AGXT2: variants seen among roughly 807,000 people sequenced by gnomAD.
AGXT2 encodes alanine--glyoxylate aminotransferase 2, mitochondrial.
A neutral mutation model predicts 62.5 loss-of-function variants in AGXT2; 61 were observed. The ratio of observed to expected loss-of-function variants is 0.98; its 90% CI spans 0.79 to 1.21. The LOEUF is 1.21. Among genes scored for constraint, AGXT2 ranks in the 50% most tolerant of loss-of-function variants. The pLI is 0.00. For missense variants in AGXT2, 666 were observed against 641.5 expected, an observed-to-expected ratio of 1.04 and a Z score of -0.41; for synonymous variants, 243 against 218.7, an observed-to-expected ratio of 1.11 and a Z score of -0.98.
rs1766581858 is a variant in AGXT2, at chr5:35,010,273, A to G, written c.1189-124T>C. 4 of 1,221,546 alleles carry G rather than the reference A, an allele frequency of 3.3e-6. No individual in the cohort carries two copies. In the Admixed American group the frequency reaches 6.8e-5, roughly 21 times the overall value. The allele number at this position is 1,221,546 out of a possible 1,614,324, so 75.7% of individuals were successfully genotyped here. A position where few individuals can be genotyped will look rare whatever the true frequency, so the allele number is the denominator to read the frequency against. ...ACCAAACAGAATGCAGAACAAGTCT[A>G]GTGTGACCACAAGGACTACAAAAAG... is the stretch of plus-strand genomic sequence containing the variant. On this transcript the variant is annotated intron_variant, in intron 11 of 13. Coordinates refer to ENST00000231420, the MANE Select transcript of AGXT2 (RefSeq NM_031900.4).
At chr5:35,009,478 C>T (rs1182521679) in intron 12 of AGXT2, among the ~76,000 whole-genome samples, 2 of 152,060 alleles carry the variant, frequency 1.3e-5, no homozygotes, top group African/African-American at 4.8e-5. Context: ...TGCCTGTAAT[C>T]CCAGCTACCC....
rs1217004106 is a variant in AGXT2 at position 34,998,542 on chromosome 5, A to C, written c.*177T>G. The C allele has an allele frequency of 1.6e-6, 1 of 630,760 alleles. No individual in the cohort carries two copies. The highest frequency in any genetic ancestry group is 2.8e-6 in the Non-Finnish European group (1 of 356,268). The allele number at this position is 630,760 out of a possible 1,614,324, so 39.1% of individuals were successfully genotyped here. A position where few individuals can be genotyped will look rare whatever the true frequency, so the allele number is the denominator to read the frequency against. On this transcript the variant is annotated 3_prime_UTR_variant, in exon 14 of 14. Coordinates refer to ENST00000231420, the MANE Select transcript of AGXT2 (RefSeq NM_031900.4). ...TTCCCTGAAGAATGGAGTTCTCAAG[A>C]TAAGAGGGGCTCTGCTAACAAATAT... is the stretch of plus-strand genomic sequence containing the variant.
chr5:35,002,428 C>A (rs1766262082), intron 13 of AGXT2, among the ~76,000 whole-genome samples: 1 of 152,194 alleles, frequency 6.6e-6, no homozygotes, highest in Non-Finnish European at 1.5e-5. Context: ...AGAAATGCCT[C>A]ATTTCTGGAA....
chr5:35,036,951 C>T lies in AGXT2; in HGVS notation c.477G>A (p.Glu159=), dbSNP rs978925590. ...YAEKLAALLP[E]PLKVIFLVNS... ...AGGAAGAGCATTGTACCTTAAGAGG[C>T]TCAGGAAGAAGTGCGGCAAGCTTCT... is the stretch of plus-strand genomic sequence containing the variant. The change falls in exon 4 of 14, where the codon GAG becomes GAA. Residue 159 remains glutamate, a synonymous_variant. Transcript: ENST00000231420. The T allele has an allele frequency of 5.6e-6, 9 of 1,614,092 alleles. No homozygotes were observed. The highest frequency in any genetic ancestry group is 2.2e-5 in the South Asian group (2 of 91,086).
intron 11 of AGXT2, 101 bp downstream of exon 11, chr5:35,012,853 C>T: frequency 9.5e-7 from 1 of 1,051,588 alleles, no homozygotes; most frequent in Non-Finnish European, 1.4e-6. Flanking sequence ...ATTAACTCTC[C>T]CCTTTAACAA....
intron 1 of AGXT2, among the ~76,000 whole-genome samples, chr5:35,042,333 A>AGAAAGAAGAGGAAGAAAG (rs1768017646): frequency 6.6e-6 from 1 of 152,094 alleles, no homozygotes. Context: ...TCTGCAAGGA[A>AGAAAGAAGAGGAAGAAAG]GAAAGAAGAG....
At chr5:35,028,132 A>G (rs1767428948) in intron 7 of AGXT2, among the ~76,000 whole-genome samples, 1 of 152,030 alleles carries the variant, frequency 6.6e-6, no homozygotes, top group Admixed American at 6.6e-5. Context: ...TACCAGGTTC[A>G]AGAAATTCTC....
At chr5:35,003,401 A>G (rs1470264475) in intron 13 of AGXT2, among the ~76,000 whole-genome samples, 1 of 152,194 alleles carries the variant, frequency 6.6e-6, no homozygotes, top group Non-Finnish European at 1.5e-5. Flanking sequence ...AGGGGTTAGA[A>G]TTAATTATAC....
At chr5:35,009,972 T>C (rs1047952870) in intron 12 of AGXT2, 28 bp downstream of exon 12, 1 of 1,613,930 alleles carries the variant, frequency 6.2e-7, no homozygotes, top group African/African-American at 1.3e-5. Context: ...TCCAAGCAGC[T>C]GAGAGAGAGG....
At chr5:35,010,825 C>T (rs890918803) in intron 11 of AGXT2, among the ~76,000 whole-genome samples, 2 of 152,196 alleles carry the variant, frequency 1.3e-5, no homozygotes, top group African/African-American at 4.8e-5. Context: ...GATGAATGCT[C>T]TGTGGAAAGA....
At position 35,010,642 on chromosome 5, in the gene AGXT2, G is replaced by A. The variant is rs187563393; in HGVS notation, c.1189-493C>T. On this transcript the variant is annotated intron_variant, in intron 11 of 13. Transcript: ENST00000231420. ...GGAGGTTGCAGTGAGCCAAGATCGC[G>A]CCACTGCACTCCAGCCTGGGTGACA... Among the ~76,000 whole-genome samples the A allele has an allele frequency of 6.2e-3, 940 of 152,152 alleles. 13 individuals carry two copies. The highest frequency in any genetic ancestry group is 0.021 in the African/African-American group (876 of 41,506).
chr5:35,011,038 A>G (rs1459745534), intron 11 of AGXT2, among the ~76,000 whole-genome samples: 2 of 152,238 alleles, frequency 1.3e-5, no homozygotes, highest in Non-Finnish European at 1.5e-5. Flanking sequence ...GACAAGATAC[A>G]TGAAATATAC....
intron 9 of AGXT2, among the ~76,000 whole-genome samples, chr5:35,022,668 A>G (rs1767156555): frequency 6.6e-6 from 1 of 151,418 alleles, no homozygotes; most frequent in South Asian, 2.1e-4. Context: ...GCACATGTAT[A>G]CATATGCAAC....
At chr5:35,047,455 A>C (rs1303138047) in intron 1 of AGXT2, among the ~76,000 whole-genome samples, 1 of 152,192 alleles carries the variant, frequency 6.6e-6, no homozygotes, top group South Asian at 2.1e-4. Context: ...AAAAGAAAAA[A>C]TAGAAATCAT....
At chr5:35,040,770 A>T (rs952585073) in intron 1 of AGXT2, 107 bp from the exon 2 acceptor site, 2 of 913,352 alleles carry the variant, frequency 2.2e-6, no homozygotes, top group Non-Finnish European at 3.6e-6. Context: ...TTTATTTCTT[A>T]GTTAAAAAAT....
intron 12 of AGXT2, among the ~76,000 whole-genome samples, chr5:35,006,751 C>A (rs898735497): frequency 2.6e-5 from 4 of 152,128 alleles, no homozygotes; most frequent in African/African-American, 9.7e-5. Context: ...GTCCAAAGGG[C>A]TGTACCTCCT....
At chr5:35,038,562 C>G (rs553309720) in intron 3 of AGXT2, among the ~76,000 whole-genome samples, 34 of 152,280 alleles carry the variant, frequency 2.2e-4, no homozygotes, top group Admixed American at 5.2e-4. Flanking sequence ...GAGGCACACT[C>G]ACTCCTTACC....
intron 9 of AGXT2, among the ~76,000 whole-genome samples, 180 bp downstream of exon 9, chr5:35,025,583 T>A (rs1264757445): frequency 6.6e-6 from 1 of 152,222 alleles, no homozygotes; most frequent in Admixed American, 6.5e-5. Context: ...GTTAAACTGA[T>A]CAGCGAATGT....
intron 1 of AGXT2, among the ~76,000 whole-genome samples, chr5:35,042,147 T>A (rs779125268): frequency 1.3e-5 from 2 of 152,170 alleles, no homozygotes; most frequent in African/African-American, 2.4e-5. Flanking sequence ...CTGTCTTGAC[T>A]CCAAGGTTAT....
Sources: allele counts gnomAD v4.1 joint callset (sites outside exome capture counted in the v4.1 genomes callset), GRCh38; gene constraint gnomAD v4.1.1; transcripts MANE v1.5; gene names NCBI Gene and HGNC (gene_info 2026-07-23, HGNC 2026-07-21).